Variants in ANKRD36 observed in about 807,000 individuals in gnomAD.
ANKRD36 encodes ankyrin repeat domain 36.
In ANKRD36, 179 loss-of-function variants were observed where a neutral mutation model predicts 278.1. That is an observed-to-expected ratio of 0.64 (90% CI 0.57 to 0.73). The LOEUF is 0.73. Among genes scored for constraint, ANKRD36 ranks in the 30% least tolerant of loss-of-function variants. ANKRD36 has a pLI of 0.00. For missense variants in ANKRD36, 1,159 were observed against 1,956.7 expected, an observed-to-expected ratio of 0.59 and a Z score of 7.69; for synonymous variants, 320 against 641.1, an observed-to-expected ratio of 0.50 and a Z score of 7.57.
intron 34 of ANKRD36, among the ~76,000 whole-genome samples, chr2:97,190,495 T>G (rs143004591): frequency 1.3e-5 from 2 of 151,836 alleles, no homozygotes; most frequent in African/African-American, 2.4e-5. Flanking sequence ...AAGTGTACTT[T>G]CAAGTGAATT....
chr2:97,125,247 T>C (rs1386685333), intron 5 of ANKRD36, among the ~76,000 whole-genome samples: 1 of 151,554 alleles, frequency 6.6e-6, no homozygotes, highest in African/African-American at 2.4e-5. Context: ...TGTTGATCCA[T>C]AAAAAGGCTT....
intron 56 of ANKRD36, among the ~76,000 whole-genome samples, chr2:97,210,079 T>C (rs561058306): frequency 1.8e-4 from 28 of 151,920 alleles, no homozygotes; most frequent in African/African-American, 6.7e-4. Flanking sequence ...CTTCCCCACA[T>C]TGAAATTGGG....
chr2:97,200,072 G>T (rs1462840154), intron 44 of ANKRD36, among the ~76,000 whole-genome samples: 2 of 151,858 alleles, frequency 1.3e-5, no homozygotes, highest in African/African-American at 4.8e-5. Context: ...TCCACATTGA[G>T]ATTGACACGG....
At chr2:97,200,131 G>T (rs1346240473) in intron 44 of ANKRD36, among the ~76,000 whole-genome samples, 1 of 151,852 alleles carries the variant, frequency 6.6e-6, no homozygotes, top group Non-Finnish European at 1.5e-5. Context: ...GTTTGAAATC[G>T]TAAGGGTGTA....
At chr2:97,263,136 G>A (rs1359028968) in intron 75 of ANKRD36, among the ~76,000 whole-genome samples, 3 of 132,328 alleles carry the variant, frequency 2.3e-5, no homozygotes, top group Non-Finnish European at 4.6e-5. Context: ...GGAAGATGAG[G>A]AAACTTGTGG....
intron 60 of ANKRD36, among the ~76,000 whole-genome samples, chr2:97,214,477 A>G (rs2065431126): frequency 6.6e-6 from 1 of 150,674 alleles, no homozygotes; most frequent in Non-Finnish European, 1.5e-5. Context: ...ATAATGTTGA[A>G]TTCAACAACT....
In ANKRD36 at chr2:97,203,669, G is replaced by A. The variant is rs559460011; in HGVS notation, c.2960-399G>A. On this transcript the variant is annotated intron_variant, in intron 48 of 75. Transcript: ENST00000420699. ...CATGATGAATGTTTGTAGTATAATGGTGTAAATCCTTTTTATTTCCTGTAT... is the reference window on the plus strand; with the variant it reads ...CATGATGAATGTTTGTAGTATAATGATGTAAATCCTTTTTATTTCCTGTAT... 4.1e-4 allele frequency among the ~76,000 whole-genome samples: 63 copies of A among 151,900 alleles called. 2 individuals are homozygous for A. The South Asian group carries it at 0.011, about 27-fold the overall frequency.
chr2:97,161,932 TTC>T (rs1162439917), intron 17 of ANKRD36, among the ~76,000 whole-genome samples, 165 bp from the exon 18 acceptor site: 2 of 151,968 alleles, frequency 1.3e-5, no homozygotes, highest in Non-Finnish European at 2.9e-5. Flanking sequence ...TTTTATAAGT[TTC>T]TTTTTTCACT....
intron 38 of ANKRD36, among the ~76,000 whole-genome samples, chr2:97,194,176 A>G (rs1305875165): frequency 2.0e-5 from 3 of 151,668 alleles, no homozygotes; most frequent in East Asian, 2.0e-4. Flanking sequence ...TCTACTAGGT[A>G]TCAGCAAACA....
At chr2:97,147,880 A>C (rs1218640441) in intron 11 of ANKRD36, among the ~76,000 whole-genome samples, 1 of 151,912 alleles carries the variant, frequency 6.6e-6, no homozygotes, top group Non-Finnish European at 1.5e-5. Context: ...GGATGTTGGG[A>C]GCTATCAAGA....
chr2:97,179,251 A>G (rs2055381458), intron 22 of ANKRD36, among the ~76,000 whole-genome samples: 1 of 151,560 alleles, frequency 6.6e-6, no homozygotes, highest in Non-Finnish European at 1.5e-5. Flanking sequence ...GATTTCAACT[A>G]AAGTGTCATT....
rs1480163331 is a variant in ANKRD36 at position 97,170,005 on chromosome 2, C to T, written c.1633+2238C>T. On this transcript the variant is annotated intron_variant, in intron 22 of 75. Transcript: ENST00000420699. Reference sequence around the variant, plus strand: ...AAAAAGAACAGAGCTGGAGGCATCACGCTACCTGACTTCAAACTACACTAC... The same window carrying T: ...AAAAAGAACAGAGCTGGAGGCATCATGCTACCTGACTTCAAACTACACTAC... Among the ~76,000 whole-genome samples the T allele has an allele frequency of 6.6e-5, 10 of 152,108 alleles. No homozygotes were observed. The East Asian group carries it at 7.7e-4, about 12-fold the overall frequency.
At chr2:97,199,488 T>C (rs1399609863) in intron 44 of ANKRD36, among the ~76,000 whole-genome samples, 1 of 151,924 alleles carries the variant, frequency 6.6e-6, no homozygotes, top group Admixed American at 6.6e-5. Flanking sequence ...AAGACTATTT[T>C]AGACACAAGA....
intron 1 of ANKRD36, among the ~76,000 whole-genome samples, chr2:97,115,069 A>G (rs1481638661): frequency 6.6e-6 from 1 of 152,118 alleles, no homozygotes; most frequent in Non-Finnish European, 1.5e-5. Context: ...AGAATTTATT[A>G]GGTTGGTGCA....
chr2:97,148,278 A>T (rs1220480720), intron 11 of ANKRD36, among the ~76,000 whole-genome samples: 1 of 152,308 alleles, frequency 6.6e-6, no homozygotes. Context: ...CTTGGGGTGG[A>T]TGACTGAGAC....
rs60108004 is a variant in ANKRD36 at position 97,142,307 on chromosome 2, C to G, written c.800-333C>G. ...GTACCACCTGCTTTGACATTGATTC[C>G]CAGGTGCATGAGTTGCTTCTCTGTT... On this transcript the variant is annotated intron_variant, in intron 6 of 75. Transcript: ENST00000420699. Among the ~76,000 whole-genome samples, 762 of 152,214 alleles carry G rather than the reference C, an allele frequency of 5.0e-3. 5 individuals are homozygous for G. Among genetic ancestry groups the G allele is most frequent in the Middle Eastern group, 0.024 (7 of 294 alleles).
chr2:97,200,868 G>A (rs1444950018), intron 46 of ANKRD36, among the ~76,000 whole-genome samples: 3 of 151,856 alleles, frequency 2.0e-5, no homozygotes, highest in Non-Finnish European at 2.9e-5. Context: ...TTTTACAGAC[G>A]TCACATCATA....
chr2:97,173,810 T>G (rs2153524026), intron 22 of ANKRD36, among the ~76,000 whole-genome samples: 1 of 151,846 alleles, frequency 6.6e-6, no homozygotes, highest in South Asian at 2.1e-4. Flanking sequence ...GGGTCTCATT[T>G]CTTCTCCCTA....
chr2:97,195,864 C>G (rs1202945917), intron 40 of ANKRD36, among the ~76,000 whole-genome samples: 1 of 151,848 alleles, frequency 6.6e-6, no homozygotes, highest in African/African-American at 2.4e-5. Flanking sequence ...GGCAGTTTTA[C>G]TTTGTAGAAA....
Sources: allele counts gnomAD v4.1 joint callset (sites outside exome capture counted in the v4.1 genomes callset), GRCh38; gene constraint gnomAD v4.1.1; transcripts MANE v1.5; gene names NCBI Gene and HGNC (gene_info 2026-07-23, HGNC 2026-07-21).